Variants in CIMIP1 observed in about 807,000 individuals in gnomAD.
The protein encoded by CIMIP1 is ciliary microtubule inner protein 1, also known as low in lung cancer 1.
chr20:58,159,246 T>G, the CIMIP1 span, among the ~76,000 whole-genome samples: 1 of 149,178 alleles, frequency 6.7e-6, no homozygotes, highest in Non-Finnish European at 1.5e-5. Flanking sequence ...CTGGGCATGA[T>G]GGCTCATGCC....
chr20:58,160,547 T>A, the CIMIP1 span: 1 of 1,145,798 alleles, frequency 8.7e-7, no homozygotes, highest in Non-Finnish European at 1.2e-6. Context: ...TCAGTACACA[T>A]CAGGGAGGCT....
the CIMIP1 span, chr20:58,155,397 T>C: frequency 6.9e-6 from 9 of 1,296,084 alleles, no homozygotes; most frequent in African/African-American, 1.0e-4. Context: ...TTCCCGTCTC[T>C]GGGGATTCTG....
At chr20:58,160,788 G>A in the CIMIP1 span, 23 of 1,613,480 alleles carry the variant, frequency 1.4e-5, no homozygotes, top group African/African-American at 1.3e-4. Flanking sequence ...GCTTTTGCAC[G>A]AGAGCTGTGC....
chr20:58,159,450 C>A, the CIMIP1 span, among the ~76,000 whole-genome samples: 1 of 151,144 alleles, frequency 6.6e-6, no homozygotes, highest in Admixed American at 6.6e-5. Context: ...AGGAGGCAGA[C>A]GTTTCAGTGA....
chr20:58,160,786 A>C, the CIMIP1 span: 1 of 1,613,722 alleles, frequency 6.2e-7, no homozygotes, highest in Non-Finnish European at 8.5e-7. Context: ...GTGCTTTTGC[A>C]CGAGAGCTGT....
the CIMIP1 span, among the ~76,000 whole-genome samples, chr20:58,159,927 C>T: frequency 3.0e-4 from 46 of 152,322 alleles, no homozygotes; most frequent in East Asian, 1.9e-4. Context: ...ACCGCCTCAC[C>T]GGCAGGTTCC....
the CIMIP1 span, among the ~76,000 whole-genome samples, chr20:58,157,918 C>T: frequency 1.2e-4 from 18 of 152,142 alleles, no homozygotes; most frequent in African/African-American, 3.9e-4. Context: ...CTGCCAACTC[C>T]CTGCCTCCAC....
chr20:58,158,767 C>T, the CIMIP1 span, among the ~76,000 whole-genome samples: 1 of 152,136 alleles, frequency 6.6e-6, no homozygotes, highest in Non-Finnish European at 1.5e-5. Context: ...ACCTTGATAC[C>T]TAAAAGGGCA....
the CIMIP1 span, chr20:58,155,637 G>T: frequency 1.5e-6 from 2 of 1,315,764 alleles, no homozygotes; most frequent in Non-Finnish European, 1.1e-6. Flanking sequence ...ATAAGCCCCA[G>T]TGGAAACTGA....
the CIMIP1 span, among the ~76,000 whole-genome samples, chr20:58,156,971 C>T: frequency 9.2e-5 from 14 of 152,068 alleles, no homozygotes; most frequent in South Asian, 8.3e-4. Context: ...ATCTGTGAGC[C>T]CCAATGAATG....
At chr20:58,157,702 G>C in the CIMIP1 span, among the ~76,000 whole-genome samples, 1 of 152,148 alleles carries the variant, frequency 6.6e-6, no homozygotes, top group Non-Finnish European at 1.5e-5. Context: ...GAGAATAATC[G>C]TGCAAGGAAC....
chr20:58,156,874 C>T, the CIMIP1 span, among the ~76,000 whole-genome samples: 2 of 152,176 alleles, frequency 1.3e-5, no homozygotes, highest in Admixed American at 1.3e-4. Context: ...GGCCGCAGGG[C>T]AGGAGGAGTT....
the CIMIP1 span, chr20:58,151,156 G>A: frequency 1.1e-6 from 1 of 893,330 alleles, no homozygotes; most frequent in South Asian, 1.6e-5. Flanking sequence ...GGGCAGAGGG[G>A]CGTGCGCTGA....
the CIMIP1 span, chr20:58,150,997 T>A: frequency 3.1e-6 from 5 of 1,609,174 alleles, no homozygotes; most frequent in Admixed American, 1.7e-5. Context: ...CCGCGGCGGC[T>A]GAACGCATGA....
At chr20:58,160,131 G>C in the CIMIP1 span, among the ~76,000 whole-genome samples, 1 of 152,208 alleles carries the variant, frequency 6.6e-6, no homozygotes, top group African/African-American at 2.4e-5. Context: ...CCAAGGAGTT[G>C]ACAAATGAAG....
the CIMIP1 span, among the ~76,000 whole-genome samples, chr20:58,160,253 A>T: frequency 6.6e-6 from 1 of 152,202 alleles, no homozygotes; most frequent in Non-Finnish European, 1.5e-5. Flanking sequence ...GTGTATATAC[A>T]GATGCATTTC....
At chr20:58,160,842 C>T in the CIMIP1 span, 1 of 1,602,366 alleles carries the variant, frequency 6.2e-7, no homozygotes, top group South Asian at 1.1e-5. Flanking sequence ...GAGTTCTGCC[C>T]AGGGGTGCTG....
the CIMIP1 span, among the ~76,000 whole-genome samples, chr20:58,159,109 C>T: frequency 6.6e-6 from 1 of 151,290 alleles, no homozygotes; most frequent in Non-Finnish European, 1.5e-5. Context: ...ACCTGTGTAG[C>T]TATCAGGATA....
the CIMIP1 span, chr20:58,155,529 T>C: frequency 2.5e-6 from 4 of 1,614,216 alleles, no homozygotes; most frequent in Non-Finnish European, 3.4e-6. Context: ...CCTGAGCGTT[T>C]CCGCATCCGG....
Sources: gnomAD v4.1 joint callset for allele counts (sites outside exome capture counted in the v4.1 genomes callset) on GRCh38, gnomAD v4.1.1 for gene constraint, MANE v1.5 for transcripts, NCBI Gene and HGNC (gene_info 2026-07-23, HGNC 2026-07-21) for gene names.